COL13A1: variants seen among roughly 807,000 people sequenced by gnomAD.
The protein encoded by COL13A1 is collagen type XIII alpha 1 chain, also known as collagen alpha-1(XIII) chain.
COL13A1 carries 89 observed loss-of-function variants against 130.9 expected under a neutral mutation model. The ratio of observed to expected loss-of-function variants is 0.68; its 90% CI spans 0.57 to 0.81. COL13A1 has a LOEUF of 0.81. Among genes scored for constraint, COL13A1 ranks in the 30% least tolerant of loss-of-function variants. The pLI, the probability that COL13A1 is intolerant of heterozygous loss-of-function variation, is 0.00. For missense variants in COL13A1, 879 were observed against 934.6 expected (o/e 0.94, Z 0.78); for synonymous variants, 402 against 341.6 (o/e 1.18, Z -1.95).
chr10:69,929,928 T>C (rs1183219065), intron 28 of COL13A1, 115 bp from the exon 29 acceptor site: 1 of 867,848 alleles, frequency 1.2e-6, no homozygotes. Flanking sequence ...TAGAATTAAA[T>C]GAGCAAACTC....
chr10:69,881,744 G>A (rs980480323), intron 7 of COL13A1, among the ~76,000 whole-genome samples: 3 of 152,182 alleles, frequency 2.0e-5, no homozygotes, highest in Non-Finnish European at 4.4e-5. Flanking sequence ...TTCCTCTGTG[G>A]TGGTCTTATC....
intron 1 of COL13A1, among the ~76,000 whole-genome samples, chr10:69,813,264 G>A (rs1239187513): frequency 6.6e-6 from 1 of 152,168 alleles, no homozygotes; most frequent in Non-Finnish European, 1.5e-5. Context: ...GAGGTCCTGG[G>A]CCCCTTGCCA....
chr10:69,890,590 G>A (rs1014029608), intron 10 of COL13A1, among the ~76,000 whole-genome samples: 1 of 152,262 alleles, frequency 6.6e-6, no homozygotes, highest in African/African-American at 2.4e-5. Flanking sequence ...CATGACTGGG[G>A]CACTGCCAGG....
chr10:69,838,944 G>A (rs1362278769), intron 2 of COL13A1, among the ~76,000 whole-genome samples: 5 of 152,240 alleles, frequency 3.3e-5, no homozygotes, highest in African/African-American at 7.2e-5. Context: ...TTGAAAGTGC[G>A]AAGTGGATTG....
chr10:69,848,464 C>T (rs754520689), intron 2 of COL13A1, among the ~76,000 whole-genome samples: 11 of 152,152 alleles, frequency 7.2e-5, no homozygotes, highest in Non-Finnish European at 1.3e-4. Context: ...TTGCCTGGGG[C>T]TCTGGAGCTA....
At chr10:69,877,614 G>T (rs2059695274) in intron 5 of COL13A1, 1 of 182,398 alleles carries the variant, frequency 5.5e-6, no homozygotes, top group Non-Finnish European at 1.1e-5. Context: ...GTGGGATCTT[G>T]TTCTCTTTTC....
chr10:69,847,030 C>A (rs979965723), intron 2 of COL13A1, among the ~76,000 whole-genome samples: 1 of 152,250 alleles, frequency 6.6e-6, no homozygotes, highest in African/African-American at 2.4e-5. Context: ...GAGGGACACT[C>A]TTTCTTGACC....
chr10:69,837,743 C>T (rs975622835), intron 2 of COL13A1, among the ~76,000 whole-genome samples: 1 of 152,204 alleles, frequency 6.6e-6, no homozygotes, highest in Non-Finnish European at 1.5e-5. Context: ...TGGAGTGGCC[C>T]CTTAAGGCAG....
intron 2 of COL13A1, among the ~76,000 whole-genome samples, chr10:69,863,175 G>A (rs557946807): frequency 1.3e-5 from 2 of 152,316 alleles, no homozygotes; most frequent in South Asian, 4.1e-4. Context: ...GAGGCTCTGT[G>A]CATTGTCTTT....
chr10:69,938,589 T>C (rs1287604901), intron 34 of COL13A1, among the ~76,000 whole-genome samples: 3 of 152,146 alleles, frequency 2.0e-5, no homozygotes, highest in African/African-American at 4.8e-5. Context: ...TTCCAGCCAC[T>C]CAGGCTTCCT....
chr10:69,935,304 A>G, intron 31 of COL13A1, 46 bp from the exon 32 acceptor site: 1 of 1,526,032 alleles, frequency 6.6e-7, no homozygotes, highest in Non-Finnish European at 8.9e-7. Context: ...CCCTATCAGG[A>G]GGGAGGGCCA....
intron 2 of COL13A1, among the ~76,000 whole-genome samples, chr10:69,837,671 C>T (rs75362991): frequency 6.6e-6 from 1 of 152,352 alleles, no homozygotes; most frequent in East Asian, 1.9e-4. Context: ...GGCAGAATCC[C>T]TGGGGAGCTG....
At chr10:69,806,095 A>G (rs1425160965) in intron 1 of COL13A1, among the ~76,000 whole-genome samples, 2 of 152,098 alleles carry the variant, frequency 1.3e-5, no homozygotes, top group African/African-American at 4.8e-5. Flanking sequence ...CAGATCGGAG[A>G]CTTCACTAAA....
chr10:69,925,248 G>A (rs950543178), intron 25 of COL13A1, among the ~76,000 whole-genome samples: 1 of 152,206 alleles, frequency 6.6e-6, no homozygotes, highest in African/African-American at 2.4e-5. Context: ...AAGGGAAAAG[G>A]AGCAAGTAGC....
intron 2 of COL13A1, among the ~76,000 whole-genome samples, chr10:69,842,675 CTT>C (rs1324001338): frequency 6.6e-6 from 1 of 152,256 alleles, no homozygotes; most frequent in Non-Finnish European, 1.5e-5. Flanking sequence ...ACACTACACT[CTT>C]GTCTCCAGTA....
At chr10:69,830,911 G>A (rs188023787) in intron 2 of COL13A1, among the ~76,000 whole-genome samples, 74 of 152,042 alleles carry the variant, frequency 4.9e-4, no homozygotes, top group African/African-American at 1.7e-3. Context: ...CCCGCCCTCC[G>A]ACCCCCAGCC....
chr10:69,933,162 A>C (rs1030331366), intron 31 of COL13A1, among the ~76,000 whole-genome samples: 8 of 149,134 alleles, frequency 5.4e-5, no homozygotes, highest in Non-Finnish European at 1.0e-4. Context: ...AAAAAAAAAA[A>C]AAAAACAGAA....
chr10:69,831,610 A>G (rs1589304758), intron 2 of COL13A1, among the ~76,000 whole-genome samples: 1 of 152,200 alleles, frequency 6.6e-6, no homozygotes, highest in Non-Finnish European at 1.5e-5. Flanking sequence ...TCGAGGTGAT[A>G]GGGAGATAAG....
chr10:69,929,716 C>T (rs935940214), intron 28 of COL13A1, among the ~76,000 whole-genome samples: 2 of 152,164 alleles, frequency 1.3e-5, no homozygotes, highest in Non-Finnish European at 2.9e-5. Flanking sequence ...AACCCTTCTG[C>T]AAGGGAGCCA....
Sources: gnomAD v4.1 joint callset for allele counts (sites outside exome capture counted in the v4.1 genomes callset) on GRCh38, gnomAD v4.1.1 for gene constraint, MANE v1.5 for transcripts, NCBI Gene and HGNC (gene_info 2026-07-23, HGNC 2026-07-21) for gene names.